JPH2: variants seen among roughly 807,000 people sequenced by gnomAD.
JPH2 encodes the protein junctophilin 2.
A neutral mutation model predicts 55.9 loss-of-function variants in JPH2; 38 were observed. The observed-to-expected ratio is 0.68, with a 90% CI of 0.52 to 0.89. JPH2 has a LOEUF of 0.89. JPH2 is among the 40% of genes least tolerant of loss of function. The pLI, the probability that JPH2 is intolerant of heterozygous loss-of-function variation, is 0.00. For synonymous variants in JPH2, 480 were observed against 472.4 expected (o/e 1.02, Z -0.21); for missense variants, 964 against 1,037.6 (o/e 0.93, Z 0.97).
intron 1 of JPH2, among the ~76,000 whole-genome samples, chr20:44,165,834 A>C (rs2072652326): frequency 6.6e-6 from 1 of 151,978 alleles, no homozygotes; most frequent in African/African-American, 2.4e-5. Flanking sequence ...GCCTTTACTC[A>C]AATGTCATCT....
At position 44,160,150 on chromosome 20, in the gene JPH2, G is replaced by A. The variant is rs767328866; in HGVS notation, c.637C>T (p.Arg213Trp). 2.4e-4 allele frequency: 345 copies of A among 1,432,604 alleles called. 2 individuals are homozygous for A. The African/African-American group carries it at 4.5e-3, about 19-fold the overall frequency. The allele number at this position is 1,432,604 out of a possible 1,614,324, so 88.7% of individuals were successfully genotyped here. Residue 213 changes from arginine to tryptophan, a missense_variant, in exon 2 of 6, where the codon CGG (arginine) becomes TGG (tryptophan). Arg to Trp is a moderately radical substitution (Grantham distance 101). Transcript: ENST00000372980. This position sits in a 1 kb window ranked among gnomAD's most constrained non-coding sequence, Gnocchi z 4.9. ...AAGAGGCCGCCGCCCTTGGGCGCCCGCGCGGCCGCCTCGGCATTGGCCAGG... is the reference window on the plus strand; with the variant it reads ...AAGAGGCCGCCGCCCTTGGGCGCCCACGCGGCCGCCTCGGCATTGGCCAGG... Reference protein sequence around the residue: ...SLLANAEAAARAPKGGGLFQR... With the variant: ...SLLANAEAAAWAPKGGGLFQR...
chr20:44,176,895 G>C (rs974223862), intron 1 of JPH2: 2 of 985,240 alleles, frequency 2.0e-6, no homozygotes, highest in Non-Finnish European at 2.4e-6. Context: ...GTCCCCTGCA[G>C]GCTGCATGCA....
intron 2 of JPH2, among the ~76,000 whole-genome samples, chr20:44,148,865 C>T (rs2072510777): frequency 6.6e-6 from 1 of 152,020 alleles, no homozygotes; most frequent in Admixed American, 6.6e-5. Flanking sequence ...AGATCGAGAC[C>T]ATCCTGGCTA....
intron 2 of JPH2, among the ~76,000 whole-genome samples, chr20:44,133,003 G>C (rs113041923): frequency 4.2e-3 from 1 of 238 alleles, no homozygotes; most frequent in African/African-American, 0.031. Context: ...CCCCTCCACA[G>C]CTGCAGCTCT....
chr20:44,122,754 A>AGAG lies in JPH2; in HGVS notation c.1170-4134_1170-4132dup, dbSNP rs539637796. ...ATGGGGTGTTGGTGGCGGTGGTGAA[A>AGAG]GAGGAGGAGGAGAATGACATCTGTA... is the stretch of plus-strand genomic sequence containing the variant. On this transcript the variant is annotated intron_variant, in intron 2 of 5. Transcript: ENST00000372980. Among the ~76,000 whole-genome samples, 54 of 152,120 alleles carry AGAG rather than the reference A, an allele frequency of 3.5e-4. No homozygotes were observed. The South Asian group carries it at 0.011, about 31-fold the overall frequency.
rs1010411484 is a variant in JPH2, at chr20:44,176,807, A to G, written c.379+9520T>C. 4.0e-5 allele frequency: 37 copies of G among 923,634 alleles called. No homozygotes were observed. In the African/African-American group the frequency reaches 6.1e-4, roughly 15 times the overall value. The allele number at this position is 923,634 out of a possible 1,614,324, so 57.2% of individuals were successfully genotyped here. ...AGACCCTGTTAAAAAAAAGAAAAAG[A>G]AAAAAAAGGTATCCATAAAGGATTC... On this transcript the variant is annotated intron_variant, in intron 1 of 5. Coordinates refer to ENST00000372980, the MANE Select transcript of JPH2 (RefSeq NM_020433.5).
intron 5 of JPH2, among the ~76,000 whole-genome samples, chr20:44,113,774 C>A (rs2072164489): frequency 6.6e-6 from 1 of 152,126 alleles, no homozygotes; most frequent in African/African-American, 2.4e-5. Flanking sequence ...TCCTCCCCCA[C>A]TGTCATCTGG....
intron 1 of JPH2, chr20:44,177,794 C>T (rs1233562109): frequency 6.5e-7 from 1 of 1,532,820 alleles, no homozygotes; most frequent in African/African-American, 1.4e-5. Context: ...CTCAAATATC[C>T]TCCCGAAGAC....
chr20:44,178,088 G>A, intron 1 of JPH2: 1 of 765,768 alleles, frequency 1.3e-6, no homozygotes, highest in Non-Finnish European at 2.4e-6. Flanking sequence ...CTAAGTCTCA[G>A]TTGCTTAAAT....
intron 2 of JPH2, among the ~76,000 whole-genome samples, chr20:44,118,927 T>C (rs1211288760): frequency 6.6e-6 from 1 of 152,234 alleles, no homozygotes; most frequent in African/African-American, 2.4e-5. Flanking sequence ...GCTTGGCCCA[T>C]AAAAACTTCT....
At chr20:44,177,376 C>G (rs1335699925) in intron 1 of JPH2, 2 of 987,524 alleles carry the variant, frequency 2.0e-6, no homozygotes, top group Admixed American at 1.2e-4. Flanking sequence ...TAGCAGGTCC[C>G]GGAAACAAGC....
Position 44,110,985 on chromosome 20 carries a change from G to T in JPH2, c.*2533C>A, listed in dbSNP as rs537128956. ...AGGGACCTTCTTCTCCAACCCCCTC[G>T]CTGGGAACCACCGGCTGTGAGAGTA... is the stretch of plus-strand genomic sequence containing the variant. On this transcript the variant is annotated 3_prime_UTR_variant, in exon 6 of 6. Coordinates refer to ENST00000372980, the MANE Select transcript of JPH2 (RefSeq NM_020433.5). Among the ~76,000 whole-genome samples, 1 of 152,140 alleles carries T rather than the reference G, an allele frequency of 6.6e-6. No homozygotes were observed. The highest frequency in any genetic ancestry group is 1.5e-5 in the Non-Finnish European group (1 of 68,032).
At chr20:44,128,980 T>G (rs1166840360) in intron 2 of JPH2, among the ~76,000 whole-genome samples, 4 of 152,132 alleles carry the variant, frequency 2.6e-5, no homozygotes, top group Non-Finnish European at 1.5e-5. Context: ...TCTCATAAGC[T>G]TGTGGGGATT....
intron 2 of JPH2, among the ~76,000 whole-genome samples, chr20:44,119,943 G>A (rs1231654323): frequency 1.3e-5 from 2 of 151,374 alleles, no homozygotes; most frequent in Non-Finnish European, 1.5e-5. Context: ...CCAATGACTG[G>A]TACTGGTCAG....
chr20:44,139,103 G>T (rs2072437561), intron 2 of JPH2, among the ~76,000 whole-genome samples: 1 of 152,186 alleles, frequency 6.6e-6, no homozygotes, highest in Non-Finnish European at 1.5e-5. Context: ...CCATGACTGG[G>T]ACGTGGGAAA....
At chr20:44,165,865 G>A (rs2072652524) in intron 1 of JPH2, among the ~76,000 whole-genome samples, 1 of 152,106 alleles carries the variant, frequency 6.6e-6, no homozygotes, top group Non-Finnish European at 1.5e-5. Flanking sequence ...GCCACCCGTG[G>A]CCACCCTACT....
chr20:44,177,013 G>C (rs1484928891), intron 1 of JPH2: 1 of 985,368 alleles, frequency 1.0e-6, no homozygotes, highest in Non-Finnish European at 1.2e-6. Context: ...CTGGCCTGGA[G>C]CAGGGGTCAC....
At chr20:44,172,041 G>A (rs1600865082) in intron 1 of JPH2, among the ~76,000 whole-genome samples, 1 of 152,184 alleles carries the variant, frequency 6.6e-6, no homozygotes, top group African/African-American at 2.4e-5. Context: ...TCAGTAAAGT[G>A]AGCATAGCAA....
intron 1 of JPH2, among the ~76,000 whole-genome samples, chr20:44,161,310 T>C (rs2072608295): frequency 6.6e-6 from 1 of 152,028 alleles, no homozygotes; most frequent in Admixed American, 6.5e-5. Flanking sequence ...GGAGGAAGGC[T>C]AGTGGTGTGT....
Sources: gnomAD v4.1 joint callset for allele counts (sites outside exome capture counted in the v4.1 genomes callset) on GRCh38, gnomAD v4.1.1 for gene constraint, Gnocchi (gnomAD v3.1) non-coding constraint, MANE v1.5 for transcripts, NCBI Gene and HGNC (gene_info 2026-07-23, HGNC 2026-07-21) for gene names.